The following STAU2 variants were observed in gnomAD, a reference collection of about 807,000 sequenced individuals.
STAU2 encodes the protein staufen double-stranded RNA binding protein 2.
STAU2 carries 20 observed loss-of-function variants against 65.9 expected under a neutral mutation model. The observed-to-expected ratio is 0.30, with a 90% confidence interval of 0.21 to 0.44. The LOEUF (loss-of-function observed/expected upper bound fraction) is 0.44, where lower values mean the gene tolerates loss of function less well. Ranked by LOEUF, STAU2 falls within the 20% of genes least tolerant of loss-of-function variation. STAU2 has a pLI of 1.00. For missense variants in STAU2, 558 were observed against 683.9 expected (o/e 0.82, Z 2.05); for synonymous variants, 232 against 233.9 (o/e 0.99, Z 0.07).
intron 3 of STAU2, among the ~76,000 whole-genome samples, chr8:73,713,057 T>C (rs2130664120): frequency 6.6e-6 from 1 of 152,324 alleles, no homozygotes; most frequent in Admixed American, 6.5e-5. Context: ...TTCTCAAATA[T>C]GATATAAATT....
intron 13 of STAU2, among the ~76,000 whole-genome samples, chr8:73,539,595 C>A (rs1394322801): frequency 6.6e-6 from 1 of 152,146 alleles, no homozygotes; most frequent in Non-Finnish European, 1.5e-5. Flanking sequence ...GTAATCCCAG[C>A]ACTTTGGGAG....
intron 13 of STAU2, among the ~76,000 whole-genome samples, chr8:73,515,963 T>G (rs1320199190): frequency 2.0e-5 from 3 of 149,134 alleles, no homozygotes; most frequent in Non-Finnish European, 3.0e-5. Context: ...AAAGAGAGTC[T>G]TGCTCTGTCA....
chr8:73,672,125 C>T (rs950437943), intron 6 of STAU2: 2 of 152,024 alleles, frequency 1.3e-5, no homozygotes, highest in African/African-American at 4.8e-5. Flanking sequence ...ACAAGATACA[C>T]AAATTATGAT....
chr8:73,708,942 C>G, intron 4 of STAU2, 90 bp downstream of exon 4: 2 of 1,288,854 alleles, frequency 1.6e-6, no homozygotes, highest in Non-Finnish European at 2.0e-6. Context: ...GCTGAACCCC[C>G]ACTCCCCAAA....
intron 9 of STAU2, among the ~76,000 whole-genome samples, chr8:73,607,008 A>G (rs975713887): frequency 2.6e-5 from 4 of 152,170 alleles, no homozygotes; most frequent in Non-Finnish European, 5.9e-5. Context: ...AAGGTAGAAG[A>G]TTACAAAGGG....
At chr8:73,635,046 G>A (rs774752992) in intron 6 of STAU2, among the ~76,000 whole-genome samples, 11 of 152,182 alleles carry the variant, frequency 7.2e-5, no homozygotes, top group Non-Finnish European at 1.6e-4. Context: ...CCACGTGTAT[G>A]TATAAAGATA....
intron 6 of STAU2, among the ~76,000 whole-genome samples, chr8:73,664,337 T>G (rs992184516): frequency 1.3e-5 from 2 of 152,220 alleles, no homozygotes; most frequent in African/African-American, 4.8e-5. Flanking sequence ...AGTATAATGT[T>G]GAACAGAAGT....
intron 9 of STAU2, among the ~76,000 whole-genome samples, chr8:73,610,950 T>C (rs1812409372): frequency 6.6e-6 from 1 of 152,160 alleles, no homozygotes; most frequent in Non-Finnish European, 1.5e-5. Flanking sequence ...TTGGATAGGT[T>C]TCTTAAATAT....
At chr8:73,627,990 C>G (rs1261446460) in intron 6 of STAU2, among the ~76,000 whole-genome samples, 1 of 152,028 alleles carries the variant, frequency 6.6e-6, no homozygotes, top group Non-Finnish European at 1.5e-5. Flanking sequence ...TATAGCATAT[C>G]TGTGTACTGA....
intron 13 of STAU2, among the ~76,000 whole-genome samples, chr8:73,513,039 A>C (rs1406500310): frequency 6.6e-6 from 1 of 152,202 alleles, no homozygotes; most frequent in East Asian, 1.9e-4. Flanking sequence ...TTCTGCTTCC[A>C]TTCACTGCTT....
chr8:73,516,884 C>T (rs1265184879), intron 13 of STAU2, among the ~76,000 whole-genome samples: 1 of 152,084 alleles, frequency 6.6e-6, no homozygotes, highest in Non-Finnish European at 1.5e-5. Context: ...AACAGTTTTC[C>T]ACTATAACTT....
At position 73,611,609 on chromosome 8, in the gene STAU2, T is replaced by C. The variant is rs73686854; in HGVS notation, c.891+2135A>G. ...AGTTAAAACAAGAGTTAGATTTATA[T>C]CCTACTATAGAAATGTACAGATCTT... On this transcript the variant is annotated intron_variant, in intron 9 of 14. Coordinates refer to ENST00000524300, the MANE Select transcript of STAU2 (RefSeq NM_001164380.2). Among the ~76,000 whole-genome samples, 1,271 of 151,718 alleles carry C rather than the reference T, an allele frequency of 8.4e-3. 11 individuals are homozygous for C. The highest frequency in any genetic ancestry group is 0.029 in the African/African-American group (1,196 of 41,394).
At chr8:73,547,229 A>G (rs987259995) in intron 13 of STAU2, among the ~76,000 whole-genome samples, 3 of 152,220 alleles carry the variant, frequency 2.0e-5, no homozygotes, top group African/African-American at 7.2e-5. Context: ...GTATCATAGC[A>G]ACATAGTTTA....
intron 6 of STAU2, among the ~76,000 whole-genome samples, chr8:73,668,143 C>CA (rs1048693279): frequency 7.0e-4 from 102 of 146,434 alleles, no homozygotes; most frequent in African/African-American, 2.1e-3. Context: ...TAATGACTAT[C>CA]AAAAAAAAAA....
At chr8:73,545,197 T>C (rs1806818027) in intron 13 of STAU2, among the ~76,000 whole-genome samples, 1 of 152,222 alleles carries the variant, frequency 6.6e-6, no homozygotes. Flanking sequence ...GTAAGAGTTT[T>C]TCAAACTGTA....
At chr8:73,548,129 G>T (rs1228466876) in intron 13 of STAU2, among the ~76,000 whole-genome samples, 1 of 151,884 alleles carries the variant, frequency 6.6e-6, no homozygotes. Flanking sequence ...GATACCAAGA[G>T]ACAACTATAT....
chr8:73,671,984 C>T (rs1210879522), intron 6 of STAU2, among the ~76,000 whole-genome samples: 2 of 151,770 alleles, frequency 1.3e-5, no homozygotes, highest in African/African-American at 4.8e-5. Flanking sequence ...AAGATCACAC[C>T]ACTGTACTCC....
chr8:73,660,967 A>T (rs1266730212), intron 6 of STAU2, among the ~76,000 whole-genome samples: 1 of 152,226 alleles, frequency 6.6e-6, no homozygotes, highest in Non-Finnish European at 1.5e-5. Context: ...GTCCAGTACA[A>T]ATACACTGAT....
At chr8:73,437,388 C>T (rs899578877) in intron 13 of STAU2, among the ~76,000 whole-genome samples, 1 of 152,074 alleles carries the variant, frequency 6.6e-6, no homozygotes, top group African/African-American at 2.4e-5. Flanking sequence ...AGGGATGGGT[C>T]ATTACTGGCT....
Sources: gnomAD v4.1 joint callset for allele counts (sites outside exome capture counted in the v4.1 genomes callset) on GRCh38, gnomAD v4.1.1 for gene constraint, MANE v1.5 for transcripts, NCBI Gene and HGNC (gene_info 2026-07-23, HGNC 2026-07-21) for gene names.